Variants in C1QTNF3 observed in about 807,000 individuals in gnomAD.
The protein encoded by C1QTNF3 is complement C1q tumor necrosis factor-related protein 3.
C1QTNF3 carries 26 observed loss-of-function variants against 32.6 expected under a neutral mutation model. The observed-to-expected ratio is 0.80, with a 90% CI of 0.58 to 1.11. The LOEUF is 1.11. Among genes scored for constraint, C1QTNF3 ranks in the 50% least tolerant of loss-of-function variants. The pLI is 0.00. For synonymous variants in C1QTNF3, 155 were observed against 146.0 expected (o/e 1.06, Z -0.44); for missense variants, 362 against 398.2 (o/e 0.91, Z 0.77).
the C1QTNF3 span, among the ~76,000 whole-genome samples, chr5:34,197,759 T>C: frequency 2.7e-4 from 41 of 152,044 alleles, no homozygotes; most frequent in African/African-American, 9.2e-4. Flanking sequence ...TAGAATACCA[T>C]AGACAGGGTA....
At chr5:34,144,984 C>A in the C1QTNF3 span, among the ~76,000 whole-genome samples, 1 of 151,964 alleles carries the variant, frequency 6.6e-6, no homozygotes, top group Admixed American at 6.6e-5. Context: ...AAACAATTAG[C>A]CAGGCGTGGT....
the C1QTNF3 span, among the ~76,000 whole-genome samples, chr5:34,226,694 T>C: frequency 6.6e-6 from 1 of 151,704 alleles, no homozygotes; most frequent in African/African-American, 2.4e-5. Flanking sequence ...ACATATAACT[T>C]TGGACTCCCC....
chr5:34,122,508 G>A, the C1QTNF3 span, among the ~76,000 whole-genome samples: 2 of 152,180 alleles, frequency 1.3e-5, no homozygotes, highest in Non-Finnish European at 2.9e-5. Context: ...AGAATATTTG[G>A]CTGAGGAAAT....
At chr5:34,195,987 C>T in the C1QTNF3 span, among the ~76,000 whole-genome samples, 1 of 152,308 alleles carries the variant, frequency 6.6e-6, no homozygotes, top group South Asian at 2.1e-4. Flanking sequence ...TAAGAAGAGA[C>T]ACTAGAGCTG....
At chr5:34,080,147 CAT>C in the C1QTNF3 span, among the ~76,000 whole-genome samples, 1 of 151,570 alleles carries the variant, frequency 6.6e-6, no homozygotes, top group African/African-American at 2.4e-5. Context: ...AAATACATCA[CAT>C]ATTTTAAAAT....
intron 3 of C1QTNF3, 126 bp from the exon 4 acceptor site, chr5:34,029,009 A>G (rs536293699): frequency 7.2e-6 from 5 of 694,390 alleles, no homozygotes; most frequent in Non-Finnish European, 1.1e-5. Flanking sequence ...ATCTATGGAG[A>G]GAGAAACAAA....
chr5:34,109,957 A>G, the C1QTNF3 span, among the ~76,000 whole-genome samples: 2 of 152,248 alleles, frequency 1.3e-5, no homozygotes, highest in Non-Finnish European at 2.9e-5. Flanking sequence ...AAGAAAGCCA[A>G]ATTGAAGAGA....
the C1QTNF3 span, among the ~76,000 whole-genome samples, chr5:34,081,060 T>C: frequency 7.9e-5 from 12 of 151,814 alleles, 1 homozygote; most frequent in Admixed American, 6.5e-4. Flanking sequence ...CCTTTTGTGA[T>C]TGTGGGGAAG....
chr5:34,162,216 T>C, the C1QTNF3 span, among the ~76,000 whole-genome samples: 2 of 152,142 alleles, frequency 1.3e-5, no homozygotes, highest in East Asian at 1.9e-4. Context: ...TGCATAGCAA[T>C]GGCAGGTGAG....
intron 1 of C1QTNF3, among the ~76,000 whole-genome samples, chr5:34,040,046 C>G (rs375724200): frequency 9.2e-5 from 14 of 152,298 alleles, no homozygotes; most frequent in Admixed American, 5.2e-4. Context: ...TTTCAAAGTT[C>G]AGTTGAATGG....
the C1QTNF3 span, among the ~76,000 whole-genome samples, chr5:34,107,395 T>TG: frequency 6.6e-6 from 1 of 151,136 alleles, no homozygotes; most frequent in East Asian, 1.9e-4. Flanking sequence ...ACATGACTCA[T>TG]TGTCTCAATC....
the C1QTNF3 span, among the ~76,000 whole-genome samples, chr5:34,177,532 G>A: frequency 3.4e-5 from 5 of 146,078 alleles, no homozygotes; most frequent in Admixed American, 2.8e-4. Context: ...TGTCGCCCAG[G>A]CTGGAGTGCA....
the C1QTNF3 span, among the ~76,000 whole-genome samples, chr5:34,156,806 G>C: frequency 2.0e-5 from 3 of 152,134 alleles, no homozygotes; most frequent in Non-Finnish European, 1.5e-5. Context: ...GAATATATAC[G>C]TGGTCTTAGT....
chr5:34,111,429 T>C, the C1QTNF3 span, among the ~76,000 whole-genome samples: 1 of 151,520 alleles, frequency 6.6e-6, no homozygotes, highest in Non-Finnish European at 1.5e-5. Context: ...TTCTGGCCCT[T>C]TCCATCAGCC....
chr5:34,020,636 C>G lies in C1QTNF3; in HGVS notation c.907G>C (p.Asp303His). The G allele has an allele frequency of 6.2e-7, 1 of 1,614,206 alleles. No individual in the cohort carries two copies. The highest frequency in any genetic ancestry group is 8.5e-7 in the Non-Finnish European group (1 of 1,180,034). Residue 303 changes from aspartate to histidine, a missense_variant, in exon 6 of 6, where the codon GAC becomes CAC. By Grantham distance (81) the Asp-to-His change is moderately conservative. Transcript: ENST00000382065. ...GCAAAGGTGGAGAAGCGTTGGTGGT[C>G]CCCATGGAGAGCGCCATTGCCCATT... ...LRMGNGALHG[D>H]HQRFSTFAGF...
At chr5:34,069,931 G>A in the C1QTNF3 span, among the ~76,000 whole-genome samples, 2 of 152,294 alleles carry the variant, frequency 1.3e-5, no homozygotes, top group African/African-American at 4.8e-5. Flanking sequence ...AGCTCTATCA[G>A]TGTATAAGGT....
the C1QTNF3 span, among the ~76,000 whole-genome samples, chr5:34,066,476 A>G: frequency 2.8e-4 from 43 of 152,310 alleles, no homozygotes; most frequent in African/African-American, 9.6e-4. Flanking sequence ...AATCAATTGC[A>G]ATGTGTGACT....
At chr5:34,028,672 C>T in intron 4 of C1QTNF3, 82 bp downstream of exon 4, 1 of 1,210,148 alleles carries the variant, frequency 8.3e-7, no homozygotes, top group Non-Finnish European at 1.1e-6. Context: ...CTCCGTCCCT[C>T]CCTCTCTTCT....
chr5:34,201,022 T>G, the C1QTNF3 span: 1 of 152,104 alleles, frequency 6.6e-6, no homozygotes, highest in African/African-American at 2.4e-5. Flanking sequence ...TTATAATCAT[T>G]ATTCACTTAT....
Sources: gnomAD v4.1 joint callset for allele counts (sites outside exome capture counted in the v4.1 genomes callset) on GRCh38, gnomAD v4.1.1 for gene constraint, MANE v1.5 for transcripts, NCBI Gene and HGNC (gene_info 2026-07-23, HGNC 2026-07-21) for gene names.